PKNOX2: variants seen among roughly 807,000 people sequenced by gnomAD.
The protein encoded by PKNOX2 is homeobox protein PKNOX2.
Under a neutral mutation model 53.1 loss-of-function variants are expected in PKNOX2, and 14 were observed. That is an observed-to-expected ratio of 0.26 (90% CI 0.17 to 0.41). The LOEUF (loss-of-function observed/expected upper bound fraction) is 0.41, where lower values mean the gene tolerates loss of function less well. Ranked by LOEUF, PKNOX2 falls within the 10% of genes least tolerant of loss-of-function variation. The probability of loss-of-function intolerance (pLI) is 1.00; values close to 1 mark genes in which losing one functional copy is unlikely to be tolerated. For missense variants in PKNOX2, 496 were observed against 602.8 expected, an observed-to-expected ratio of 0.82 and a Z score of 1.85; for synonymous variants, 257 against 242.8, an observed-to-expected ratio of 1.06 and a Z score of -0.54.
chr11:125,288,691 G>A (rs1011811867), intron 2 of PKNOX2, among the ~76,000 whole-genome samples: 1 of 152,202 alleles, frequency 6.6e-6, no homozygotes, highest in African/African-American at 2.4e-5. Context: ...CCACCGCAGC[G>A]ACTCTGGCTT....
chr11:125,176,210 A>T (rs1460308489), intron 1 of PKNOX2, among the ~76,000 whole-genome samples: 2 of 152,110 alleles, frequency 1.3e-5, no homozygotes, highest in Non-Finnish European at 2.9e-5. Context: ...CACCTAATCC[A>T]GTGTGGGAGG....
intron 2 of PKNOX2, among the ~76,000 whole-genome samples, chr11:125,306,334 G>A (rs1171628528): frequency 1.3e-5 from 2 of 152,116 alleles, no homozygotes; most frequent in Non-Finnish European, 2.9e-5. Context: ...GCGCTACCAG[G>A]GCAGCCCCCC....
At chr11:125,410,934 G>A (rs899992212) in intron 9 of PKNOX2, 58 bp downstream of exon 9, 78 of 1,433,532 alleles carry the variant, frequency 5.4e-5, no homozygotes, top group East Asian at 2.1e-4. Flanking sequence ...ACCTGTAATC[G>A]CTTCTTATCT....
At chr11:125,302,411 G>A (rs1202418995) in intron 2 of PKNOX2, among the ~76,000 whole-genome samples, 1 of 152,184 alleles carries the variant, frequency 6.6e-6, no homozygotes, top group Non-Finnish European at 1.5e-5. Flanking sequence ...ACTCTCCTCT[G>A]ATGCTGATGG....
chr11:125,354,003 A>C (rs535756367), intron 4 of PKNOX2, among the ~76,000 whole-genome samples: 2 of 152,142 alleles, frequency 1.3e-5, no homozygotes, highest in African/African-American at 4.8e-5. Context: ...TGTTCTCTCC[A>C]AAGAATGCTA....
chr11:125,315,303 G>GCAAAAAAAAAAAAAAAAAA (rs1949087067), intron 2 of PKNOX2, among the ~76,000 whole-genome samples: 2 of 79,456 alleles, frequency 2.5e-5, no homozygotes, highest in African/African-American at 7.8e-5. Context: ...TGTGAAGCAG[G>GCAAAAAAAAAAAAAAAAAA]AAAAAAAAAA....
intron 2 of PKNOX2, among the ~76,000 whole-genome samples, chr11:125,310,712 T>G (rs1454306379): frequency 6.6e-6 from 1 of 152,194 alleles, no homozygotes; most frequent in Non-Finnish European, 1.5e-5. Context: ...AATCCTGTTC[T>G]TTCCATACTC....
At chr11:125,423,313 G>A (rs796582670) in intron 10 of PKNOX2, among the ~76,000 whole-genome samples, 19 of 152,262 alleles carry the variant, frequency 1.2e-4, no homozygotes, top group African/African-American at 4.1e-4. Context: ...TTAGAGAGGT[G>A]ACCGGTGTGC....
At chr11:125,250,902 GC>G (rs992444920) in intron 2 of PKNOX2, among the ~76,000 whole-genome samples, 4 of 152,234 alleles carry the variant, frequency 2.6e-5, no homozygotes, top group Non-Finnish European at 5.9e-5. Flanking sequence ...ATGGGGCTGG[GC>G]CCAGGTTCCT....
At chr11:125,222,466 G>T (rs1039505226) in intron 1 of PKNOX2, among the ~76,000 whole-genome samples, 8 of 152,098 alleles carry the variant, frequency 5.3e-5, no homozygotes, top group Non-Finnish European at 1.0e-4. Flanking sequence ...TCTCACCTGA[G>T]TACCTAGGGA....
intron 1 of PKNOX2, among the ~76,000 whole-genome samples, chr11:125,172,585 C>T (rs1955408026): frequency 6.6e-6 from 1 of 152,176 alleles, no homozygotes; most frequent in Non-Finnish European, 1.5e-5. Context: ...TGACCTTCAA[C>T]AAGGGACTTA....
At chr11:125,245,451 G>T (rs950782956) in intron 2 of PKNOX2, among the ~76,000 whole-genome samples, 4 of 152,262 alleles carry the variant, frequency 2.6e-5, no homozygotes, top group African/African-American at 9.6e-5. Flanking sequence ...ACCTGGGTCT[G>T]CATGACGCCA....
intron 2 of PKNOX2, among the ~76,000 whole-genome samples, chr11:125,327,821 T>C (rs773479036): frequency 1.5e-4 from 23 of 152,232 alleles, no homozygotes; most frequent in Non-Finnish European, 2.8e-4. Flanking sequence ...CAGTTGTCAG[T>C]TCTGGGAAGG....
intron 2 of PKNOX2, among the ~76,000 whole-genome samples, chr11:125,267,834 G>T (rs1945480367): frequency 6.6e-6 from 1 of 152,178 alleles, no homozygotes; most frequent in Admixed American, 6.5e-5. Context: ...AGGAAGAGTA[G>T]GAATGGAGTC....
At chr11:125,210,466 G>C (rs888484120) in intron 1 of PKNOX2, among the ~76,000 whole-genome samples, 1 of 152,170 alleles carries the variant, frequency 6.6e-6, no homozygotes, top group Admixed American at 6.5e-5. Context: ...AAATGTGGAT[G>C]CAGGTGCAGT....
chr11:125,362,639 GA>G (rs1951987830), intron 4 of PKNOX2, among the ~76,000 whole-genome samples: 1 of 152,174 alleles, frequency 6.6e-6, no homozygotes, highest in Non-Finnish European at 1.5e-5. Flanking sequence ...CCAGAGCACT[GA>G]GATTACCGGC....
At chr11:125,310,504 A>T (rs1481627669) in intron 2 of PKNOX2, among the ~76,000 whole-genome samples, 1 of 151,546 alleles carries the variant, frequency 6.6e-6, no homozygotes, top group Non-Finnish European at 1.5e-5. Context: ...CAAAAAAAAA[A>T]ATAATAAAAA....
chr11:125,409,966 A>G (rs974479186), intron 7 of PKNOX2: 8 of 475,354 alleles, frequency 1.7e-5, no homozygotes, highest in Admixed American at 7.5e-5. Flanking sequence ...TTTCAGGGCA[A>G]TGGAATGGTT....
At chr11:125,263,651 C>G (rs913286819) in intron 2 of PKNOX2, among the ~76,000 whole-genome samples, 2 of 152,238 alleles carry the variant, frequency 1.3e-5, no homozygotes, top group Non-Finnish European at 2.9e-5. Flanking sequence ...CTGCCGAGGG[C>G]CAGACTGGGC....
Sources: allele counts gnomAD v4.1 joint callset (sites outside exome capture counted in the v4.1 genomes callset), GRCh38; gene constraint gnomAD v4.1.1; transcripts MANE v1.5; gene names NCBI Gene and HGNC (gene_info 2026-07-23, HGNC 2026-07-21).